MYCBPAP: variants seen among roughly 807,000 people sequenced by gnomAD.
MYCBPAP encodes MYCBP associated protein.
In MYCBPAP, 60 loss-of-function variants were observed where a neutral mutation model predicts 106.1. That is an observed-to-expected ratio of 0.57 (90% confidence interval 0.46 to 0.70). MYCBPAP has a LOEUF of 0.70. Ranked by LOEUF, MYCBPAP falls within the 30% of genes least tolerant of loss-of-function variation. MYCBPAP has a pLI of 0.00. For missense variants in MYCBPAP, 1,064 were observed against 1,169.3 expected (o/e 0.91, Z 1.31); for synonymous variants, 407 against 440.6 (o/e 0.92, Z 0.95).
chr17:50,516,581 G>A lies in MYCBPAP; in HGVS notation c.88G>A (p.Ala30Thr). The change falls in exon 2 of 19, where the codon GCA (alanine) becomes ACA (threonine). Residue 30 changes from alanine to threonine, a missense_variant. Transcript: ENST00000323776. The part of the protein sequence containing the change: ...ASENVKEKKR[A>T]KGPEQPTPTI... ...CTGCTTCTCTTCAGAAAAGAAGCGG[G>A]CAAAGGGACCTGAACAACCCACACC... 1 of 1,614,004 alleles carries A rather than the reference G, an allele frequency of 6.2e-7. No individual in the cohort carries two copies. Among genetic ancestry groups the A allele is most frequent in the South Asian group, 1.1e-5 (1 of 91,052 alleles).
chr17:50,513,910 C>T (rs2033948867), intron 1 of MYCBPAP, among the ~76,000 whole-genome samples: 1 of 152,220 alleles, frequency 6.6e-6, no homozygotes, highest in South Asian at 2.1e-4. Context: ...GAGACTGGAA[C>T]TCGGGGTTCA....
chr17:50,513,636 C>T (rs1259502427), intron 1 of MYCBPAP, among the ~76,000 whole-genome samples: 1 of 152,188 alleles, frequency 6.6e-6, no homozygotes, highest in Non-Finnish European at 1.5e-5. Flanking sequence ...TTTCTATTGA[C>T]ACGTGGTAAT....
intron 1 of MYCBPAP, among the ~76,000 whole-genome samples, chr17:50,510,679 C>T (rs192604574): frequency 1.4e-5 from 2 of 147,090 alleles, no homozygotes; most frequent in African/African-American, 5.1e-5. Flanking sequence ...GTGCACACCA[C>T]CATGCCTGGC....
chr17:50,514,428 A>G (rs965256522), intron 1 of MYCBPAP, among the ~76,000 whole-genome samples: 4 of 152,186 alleles, frequency 2.6e-5, no homozygotes, highest in Non-Finnish European at 5.9e-5. Flanking sequence ...TGTTTTATGT[A>G]GGGCCTTATA....
rs373259860 is a variant in MYCBPAP at position 50,529,022 on chromosome 17, G to A, written c.2558G>A (p.Arg853His). ...TGTGTCTCCCTCCCCCAGCAGGACC[G>A]TCCCAACAGCAAGAAGCACAAGGCA... Reference protein sequence around the residue: ...KGAKLLGKEDRPNSKKHKAKD... With the variant: ...KGAKLLGKEDHPNSKKHKAKD... Residue 853 changes from arginine to histidine, a missense_variant, in exon 18 of 19, where the codon CGT becomes CAT. Coordinates refer to ENST00000323776, the MANE Select transcript of MYCBPAP (RefSeq NM_032133.6). 8.2e-5 allele frequency: 133 copies of A among 1,613,612 alleles called. No homozygotes were observed. The highest frequency in any genetic ancestry group is 3.3e-4 in the Middle Eastern group (2 of 6,066).
chr17:50,519,563 C>T, intron 6 of MYCBPAP, 77 bp from the exon 7 acceptor site: 2 of 1,542,188 alleles, frequency 1.3e-6, no homozygotes, highest in South Asian at 2.4e-5. Flanking sequence ...TGTGGTGGTG[C>T]TCTTGTCTTC....
At chr17:50,524,762 A>C in intron 12 of MYCBPAP, 115 bp from the exon 13 acceptor site, 20 of 605,816 alleles carry the variant, frequency 3.3e-5, no homozygotes, top group Non-Finnish European at 3.4e-5. Context: ...GAGAGAGACA[A>C]TGGCAGGAAC....
In MYCBPAP at chr17:50,523,610, T is replaced by C; in HGVS notation, c.1461T>C (p.Pro487=). The C allele has an allele frequency of 6.2e-7, 1 of 1,614,226 alleles. No homozygotes were observed. The highest frequency in any genetic ancestry group is 8.5e-7 in the Non-Finnish European group (1 of 1,180,040). Residue 487 remains proline (P), a synonymous_variant, in exon 12 of 19, where the codon CCT becomes CCC. Coordinates refer to ENST00000323776, the MANE Select transcript of MYCBPAP (RefSeq NM_032133.6). ...TGTCCCTCTCAGGTGTGATTCTGCCTGGAGAAATTAAAACATTTACCTTCT... is the reference window on the plus strand; with the variant it reads ...TGTCCCTCTCAGGTGTGATTCTGCCCGGAGAAATTAAAACATTTACCTTCT... ...YFDNREGVIL[P]GEIKTFTFFF... is the part of the protein sequence containing the mutation.
rs1243482428 is a variant in MYCBPAP, at chr17:50,523,654, C to A, written c.1505C>A (p.Ala502Asp). The A allele has an allele frequency of 1.2e-6, 2 of 1,614,236 alleles. No individual in the cohort carries two copies. The highest frequency in any genetic ancestry group is 1.7e-6 in the Non-Finnish European group (2 of 1,180,052). Reference protein sequence around the residue: ...TFTFFFKSLTAGVFREFWEFR... With the variant: ...TFTFFFKSLTDGVFREFWEFR... ...ACCTTCTTCTTCAAGTCTTTGACTG[C>A]TGGGGTCTTCAGGGAATTTTGGGAG... is the stretch of plus-strand genomic sequence containing the variant. Residue 502 changes from alanine to aspartate, a missense_variant, in exon 12 of 19, where the codon GCT becomes GAT. Transcript: ENST00000323776.
At chr17:50,521,033 C>A in intron 7 of MYCBPAP, 77 bp from the exon 8 acceptor site, 1 of 1,197,120 alleles carries the variant, frequency 8.4e-7, no homozygotes, top group Non-Finnish European at 1.2e-6. Flanking sequence ...GATAGGCACT[C>A]TCAGAGCCCT....
At chr17:50,526,919 T>C (rs1411826595) in intron 14 of MYCBPAP, among the ~76,000 whole-genome samples, 2 of 152,102 alleles carry the variant, frequency 1.3e-5, no homozygotes, top group African/African-American at 4.8e-5. Flanking sequence ...TTCACCATGT[T>C]GGTCAAGCTG....
At chr17:50,530,123 G>A (rs2034586471) in intron 18 of MYCBPAP, 6 of 363,686 alleles carry the variant, frequency 1.6e-5, no homozygotes, top group Non-Finnish European at 3.3e-5. Context: ...TGGTTGATGG[G>A]GTCTAGAAAG....
In MYCBPAP at chr17:50,510,971, A is replaced by T. The variant is rs141286512; in HGVS notation, c.76+2221A>T. ...ACTGCTGTAAACAAATCAAGGAAAG[A>T]TTTTTCACTGCATATTTATTTTTAA... On this transcript the variant is annotated intron_variant, in intron 1 of 18. Coordinates refer to ENST00000323776, the MANE Select transcript of MYCBPAP (RefSeq NM_032133.6). Among the ~76,000 whole-genome samples the T allele has an allele frequency of 6.3e-3, 964 of 151,938 alleles. 8 individuals carry two copies. Among genetic ancestry groups the T allele is most frequent in the African/African-American group, 0.022 (927 of 41,412 alleles).
At chr17:50,528,927 G>A (rs2034547850) in intron 17 of MYCBPAP, 87 bp downstream of exon 17, 2 of 1,597,734 alleles carry the variant, frequency 1.3e-6, no homozygotes, top group South Asian at 1.1e-5. Context: ...GTGGGCATGT[G>A]CCCAGGCTCT....
In MYCBPAP at chr17:50,517,240, C is replaced by T; in HGVS notation, c.205-53C>T. On this transcript the variant is annotated intron_variant, in intron 2 of 18. Transcript: ENST00000323776. ...ACTAGAACAGAAGAGATGGGTGGTG[C>T]TCTTCCTCCTGCCACCACAGGTGGA... is the stretch of plus-strand genomic sequence containing the variant. 3 of 1,536,374 alleles carry T rather than the reference C, an allele frequency of 2.0e-6. No homozygotes were observed. In the South Asian group the frequency reaches 3.4e-5, roughly 17 times the overall value.
chr17:50,510,507 A>ATATATG (rs1567879244), intron 1 of MYCBPAP: 4 of 103,108 alleles, frequency 3.9e-5, no homozygotes, highest in Non-Finnish European at 7.2e-5. Flanking sequence ...GTGTATATAT[A>ATATATG]TATATATATA....
intron 1 of MYCBPAP, chr17:50,510,125 C>G (rs1363402968): frequency 6.6e-6 from 1 of 152,102 alleles, no homozygotes; most frequent in Non-Finnish European, 1.5e-5. Context: ...CCTGGGGAGA[C>G]CCAGCCTCAG....
In MYCBPAP at chr17:50,525,855, A is replaced by G. The variant is rs781290201; in HGVS notation, c.1783-26A>G. 6 of 1,563,332 alleles carry G rather than the reference A, an allele frequency of 3.8e-6. No homozygotes were observed. The East Asian group carries it at 1.3e-4, about 35-fold the overall frequency. On this transcript the variant is annotated intron_variant, in intron 13 of 18. Coordinates refer to ENST00000323776, the MANE Select transcript of MYCBPAP (RefSeq NM_032133.6). ...GGGCCTGCACCCCAGCCTCCCCCTC[A>G]CATGCCTTCCCATCCTCTGCTGCAG...
At chr17:50,516,435 C>G in intron 1 of MYCBPAP, 135 bp from the exon 2 acceptor site, 1 of 1,103,160 alleles carries the variant, frequency 9.1e-7, no homozygotes, top group Non-Finnish European at 1.2e-6. Context: ...GCAGCCTCTG[C>G]TATCTATCCA....
Sources: gnomAD v4.1 joint callset for allele counts (sites outside exome capture counted in the v4.1 genomes callset) on GRCh38, gnomAD v4.1.1 for gene constraint, MANE v1.5 for transcripts, NCBI Gene and HGNC (gene_info 2026-07-23, HGNC 2026-07-21) for gene names.